NOD1: variants seen among roughly 807,000 people sequenced by gnomAD.
NOD1 encodes the protein nucleotide-binding oligomerization domain-containing protein 1.
Under a neutral mutation model 81.2 loss-of-function variants are expected in NOD1, and 70 were observed. The observed-to-expected ratio is 0.86, with a 90% CI of 0.71 to 1.05. The LOEUF (loss-of-function observed/expected upper bound fraction) is 1.05, where lower values mean the gene tolerates loss of function less well. NOD1 is among the 50% of genes least tolerant of loss of function. NOD1 has a pLI of 0.00. For missense variants in NOD1, 1,233 were observed against 1,228.0 expected (o/e 1.00, Z -0.06); for synonymous variants, 508 against 526.9 (o/e 0.96, Z 0.49).
At position 30,452,040 on chromosome 7, in the gene NOD1, A is replaced by T. The variant is rs753581424; in HGVS notation, c.1377T>A (p.Thr459=). 2 of 1,613,414 alleles carry T rather than the reference A, an allele frequency of 1.2e-6. No homozygotes were observed. The highest frequency in any genetic ancestry group is 2.2e-5 in the South Asian group (2 of 91,082). The change falls in exon 6 of 14, where the codon ACT becomes ACA. Residue 459 remains threonine (T), a synonymous_variant. Coordinates refer to ENST00000222823, the MANE Select transcript of NOD1 (RefSeq NM_006092.4). ...PVETLHAGRD[T]LCSLGQVAHR... ...GGGCCACCTGCCCCAGCGAGCACAGAGTGTCCCGGCCGGCGTGGAGGGTCT... is the reference window on the plus strand; with the variant it reads ...GGGCCACCTGCCCCAGCGAGCACAGTGTGTCCCGGCCGGCGTGGAGGGTCT...
chr7:30,426,196 C>T (rs546504985), intron 13 of NOD1, among the ~76,000 whole-genome samples: 14 of 152,288 alleles, frequency 9.2e-5, no homozygotes, highest in South Asian at 6.2e-4. Context: ...ATCAATGCCA[C>T]GGCCTTGTTT....
intron 8 of NOD1, 59 bp downstream of exon 8, chr7:30,446,908 A>T: frequency 7.5e-7 from 1 of 1,330,306 alleles, no homozygotes; most frequent in South Asian, 1.3e-5. Context: ...TAATCTTTGA[A>T]CAACAGAAGG....
Position 30,451,136 on chromosome 7 carries a change from G to C in NOD1, c.2201+80C>G. On this transcript the variant is annotated intron_variant, in intron 6 of 13. Coordinates refer to ENST00000222823, the MANE Select transcript of NOD1 (RefSeq NM_006092.4). The surrounding 1 kb of genome is among the most constrained non-coding windows in gnomAD (Gnocchi z 4.2). Reference sequence around the variant, plus strand: ...ATGGTCATGAGTCCTGGGGGATCCTGGTCCATGATGCCATTCCCGATGCCC... The same window carrying C: ...ATGGTCATGAGTCCTGGGGGATCCTCGTCCATGATGCCATTCCCGATGCCC... 1 of 1,471,068 alleles carries C rather than the reference G, an allele frequency of 6.8e-7. No individual in the cohort carries two copies. Among genetic ancestry groups the C allele is most frequent in the South Asian group, 1.3e-5 (1 of 78,290 alleles). 91.1% of individuals were successfully genotyped at this position (1,471,068 alleles called of 1,614,324 possible). A position where few individuals can be genotyped will look rare whatever the true frequency, so the allele number is the denominator to read the frequency against.
At position 30,452,397 on chromosome 7, in the gene NOD1, G is replaced by A. The variant is rs1163605501; in HGVS notation, c.1020C>T (p.Arg340=). Residue 340 remains arginine (R), a synonymous_variant, in exon 6 of 14, where the codon CGC becomes CGT. Transcript: ENST00000222823. ...GAAGCACCTTCTTCCGCAGGAACTG[G>A]CGCGGGACCTCGATGCCTGTGCGGG... The part of the protein sequence containing the change: ...LTARTGIEVP[R]QFLRKKVLLR... 6.2e-7 allele frequency: 1 copy of A among 1,613,370 alleles called. No homozygotes were observed. Among genetic ancestry groups the A allele is most frequent in the East Asian group, 2.2e-5 (1 of 44,884 alleles).
In NOD1 at chr7:30,457,024, C is replaced by G; in HGVS notation, c.-103G>C. ...ATTCAGGCCGCGCCCTCCAGGGCCC[C>G]TGCTACTCTGCGCAGCCCCTGAAGA... On this transcript the variant is annotated 5_prime_UTR_variant, in exon 4 of 14. Coordinates refer to ENST00000222823, the MANE Select transcript of NOD1 (RefSeq NM_006092.4). 1 of 890,358 alleles carries G rather than the reference C, an allele frequency of 1.1e-6. No homozygotes were observed. The highest frequency in any genetic ancestry group is 1.4e-5 in the South Asian group (1 of 70,246). The allele number at this position is 890,358 out of a possible 1,614,324, so 55.2% of individuals were successfully genotyped here. A position where few individuals can be genotyped will look rare whatever the true frequency, so the allele number is the denominator to read the frequency against.
chr7:30,471,341 C>T (rs1207961588), intron 1 of NOD1, among the ~76,000 whole-genome samples: 1 of 152,206 alleles, frequency 6.6e-6, no homozygotes, highest in East Asian at 1.9e-4. Flanking sequence ...AAGCAGAAGG[C>T]CTGCCCAACC....
At chr7:30,472,423 C>T (rs1310336230) in intron 1 of NOD1, among the ~76,000 whole-genome samples, 1 of 152,256 alleles carries the variant, frequency 6.6e-6, no homozygotes, top group African/African-American at 2.4e-5. Flanking sequence ...CGTCCCCAGA[C>T]TCTCCTAATT....
chr7:30,430,325 G>A (rs1017198613), intron 12 of NOD1, among the ~76,000 whole-genome samples: 1 of 152,194 alleles, frequency 6.6e-6, no homozygotes, highest in Admixed American at 6.5e-5. Flanking sequence ...CTATCGCTAG[G>A]AAGCCAGGCC....
chr7:30,439,893 A>G (rs1175803891), intron 9 of NOD1, among the ~76,000 whole-genome samples: 100 of 9,780 alleles, frequency 0.01, no homozygotes, highest in African/African-American at 0.04. Context: ...TTCTCCCAGC[A>G]CGCAGCTGGA....
At chr7:30,448,032 T>G in intron 7 of NOD1, 1 of 459,542 alleles carries the variant, frequency 2.2e-6, no homozygotes, top group Non-Finnish European at 3.9e-6. Flanking sequence ...TCCCCTTATA[T>G]TCTCGTTGCA....
rs766615354 is a variant in NOD1, at chr7:30,456,751, AATCTCCGC to A, written c.163_170del (p.Ala55CysfsTer9). ...CAGGCTGGGTGGGGCAGGCACACAC[AATCTCCGC>A]ATCTTCGGCCGAGAAGTAGTCATTC... On this transcript the variant is annotated frameshift_variant, in exon 4 of 14. Coordinates refer to ENST00000222823, the MANE Select transcript of NOD1 (RefSeq NM_006092.4). LOFTEE classifies it high-confidence loss of function. 6.2e-7 allele frequency: 1 copy of A among 1,614,072 alleles called. No homozygotes were observed. Among genetic ancestry groups the A allele is most frequent in the South Asian group, 1.1e-5 (1 of 91,070 alleles).
Position 30,467,589 on chromosome 7 carries a change from T to C in NOD1, c.-351-7548A>G, listed in dbSNP as rs924750151. On this transcript the variant is annotated intron_variant, in intron 1 of 13. Coordinates refer to ENST00000222823, the MANE Select transcript of NOD1 (RefSeq NM_006092.4). The surrounding 1 kb of genome is among the most constrained non-coding windows in gnomAD (Gnocchi z 4.5). ...ACAAACTCAGATGAGATGTTAAGAC[T>C]TTCTGTGCACCTGTAAATCAATAAA... is the stretch of plus-strand genomic sequence containing the variant. Among the ~76,000 whole-genome samples, 28 of 152,216 alleles carry C rather than the reference T, an allele frequency of 1.8e-4. No homozygotes were observed. The highest frequency in any genetic ancestry group is 4.0e-4 in the Non-Finnish European group (27 of 68,042).
rs376068081 is a variant in NOD1, at chr7:30,430,859, C to T, written c.2706-1402G>A. ...AGGATCTGGTGCTCCCAGCCATACC[C>T]CACAAGGGCTAGGGCCCCTGGGTTC... On this transcript the variant is annotated intron_variant, in intron 12 of 13. Transcript: ENST00000222823. Among the ~76,000 whole-genome samples, 28 of 152,326 alleles carry T rather than the reference C, an allele frequency of 1.8e-4. No homozygotes were observed. The East Asian group carries it at 5.2e-3, about 28-fold the overall frequency.
chr7:30,445,278 T>TAAAAAAAAAAAAAGAAAAA (rs1784924586), intron 9 of NOD1, among the ~76,000 whole-genome samples: 1 of 69,176 alleles, frequency 1.4e-5, no homozygotes, highest in Non-Finnish European at 2.5e-5. Context: ...AAAAAGAATC[T>TAAAAAAAAAAAAAGAAAAA]AAAAAAAAAA....
intron 13 of NOD1, among the ~76,000 whole-genome samples, chr7:30,428,966 C>T (rs780993821): frequency 1.3e-5 from 2 of 152,192 alleles, no homozygotes; most frequent in Admixed American, 6.5e-5. Context: ...AAATGTCTTA[C>T]GGAACCCAGA....
At chr7:30,433,538 T>C (rs1784130569) in intron 11 of NOD1, 2 of 273,164 alleles carry the variant, frequency 7.3e-6, no homozygotes, top group South Asian at 6.9e-5. Flanking sequence ...CCAGGGTCCC[T>C]TGAACACCAC....
chr7:30,475,216 G>T (rs1189939875), intron 1 of NOD1, among the ~76,000 whole-genome samples: 1 of 152,188 alleles, frequency 6.6e-6, no homozygotes, highest in African/African-American at 2.4e-5. Context: ...AGTTGCATGT[G>T]GCTCTGAAAA....
At chr7:30,449,826 T>A (rs540348349) in intron 6 of NOD1, among the ~76,000 whole-genome samples, 1 of 152,350 alleles carries the variant, frequency 6.6e-6, no homozygotes, top group South Asian at 2.1e-4. Flanking sequence ...TGCACTGGTG[T>A]GAAGGAAAGC....
chr7:30,452,918 C>T lies in NOD1; in HGVS notation c.499G>A (p.Val167Ile), dbSNP rs55947865. Reference sequence around the variant, plus strand: ...CCCAGGCTCTCATTGCTGAAGCCAACCAGCTCCATGATGGTGTCCATGTAG... The same window carrying T: ...CCCAGGCTCTCATTGCTGAAGCCAATCAGCTCCATGATGGTGTCCATGTAG... ...EIYMDTIMEL[V>I]GFSNESLGSL... The change falls in exon 6 of 14, where the codon GTT (valine) becomes ATT (isoleucine). Residue 167 changes from valine to isoleucine, a missense_variant. Val to Ile is a conservative substitution (Grantham distance 29). Transcript: ENST00000222823. 27 of 1,613,912 alleles carry T rather than the reference C, an allele frequency of 1.7e-5. No individual in the cohort carries two copies. Among genetic ancestry groups the T allele is most frequent in the Non-Finnish European group, 2.1e-5 (25 of 1,180,046 alleles).
Sources: allele counts gnomAD v4.1 joint callset (sites outside exome capture counted in the v4.1 genomes callset), GRCh38; gene constraint gnomAD v4.1.1; non-coding constraint Gnocchi (gnomAD v3.1); transcripts MANE v1.5; gene names NCBI Gene and HGNC (gene_info 2026-07-23, HGNC 2026-07-21).